ATL1: variants seen among roughly 807,000 people sequenced by gnomAD.
ATL1 encodes atlastin-1.
A neutral mutation model predicts 75.5 loss-of-function variants in ATL1; 31 were observed. The observed-to-expected ratio is 0.41, with a 90% CI of 0.31 to 0.55. ATL1 has a LOEUF of 0.55. ATL1 is among the 20% of genes least tolerant of loss of function. ATL1 has a pLI of 0.27. For missense variants in ATL1, 405 were observed against 662.6 expected (o/e 0.61, Z 4.27); for synonymous variants, 226 against 233.3 (o/e 0.97, Z 0.28).
chr14:50,550,506 G>A (rs1470886774), intron 1 of ATL1, among the ~76,000 whole-genome samples: 3 of 152,124 alleles, frequency 2.0e-5, no homozygotes, highest in African/African-American at 7.2e-5. Context: ...GGTATGCCTT[G>A]GGATATTCTG....
intron 1 of ATL1, among the ~76,000 whole-genome samples, chr14:50,546,367 T>G (rs956358574): frequency 1.1e-4 from 16 of 151,392 alleles, no homozygotes; most frequent in African/African-American, 3.9e-4. Flanking sequence ...AGGTACTGGG[T>G]GTGTGTGTGT....
chr14:50,631,279 C>T lies in ATL1; in HGVS notation c.1567-950C>T, dbSNP rs577188877. 5.1e-3 allele frequency among the ~76,000 whole-genome samples: 753 copies of T among 148,936 alleles called. 3 individuals carry two copies. Among genetic ancestry groups the T allele is most frequent in the Middle Eastern group, 0.024 (7 of 290 alleles). ...CAACTCAAAAAGTAAAAAACAAAAA[C>T]AAAAACAAAAAAAAACCAGATCCAA... On this transcript the variant is annotated intron_variant, in intron 13 of 13. Transcript: ENST00000358385.
chr14:50,567,500 T>C (rs1187258456), intron 1 of ATL1, among the ~76,000 whole-genome samples: 1 of 152,186 alleles, frequency 6.6e-6, no homozygotes, highest in East Asian at 1.9e-4. Flanking sequence ...TTGCTGGATC[T>C]TATGGTAATT....
At chr14:50,623,781 T>TG (rs2039490815) in intron 11 of ATL1, among the ~76,000 whole-genome samples, 1 of 152,206 alleles carries the variant, frequency 6.6e-6, no homozygotes, top group Non-Finnish European at 1.5e-5. Flanking sequence ...CTGGGTGCGG[T>TG]GGCTCATGCC....
rs2039593698 is a variant in ATL1 at position 50,632,609 on chromosome 14, C to T, written c.*270C>T. On this transcript the variant is annotated 3_prime_UTR_variant, in exon 14 of 14. Coordinates refer to ENST00000358385, the MANE Select transcript of ATL1 (RefSeq NM_015915.5). ...TATTTGTCTATTTATGATAACAGTACACGTGTTCTGCTTGAATTTACTAAA... is the reference window on the plus strand; with the variant it reads ...TATTTGTCTATTTATGATAACAGTATACGTGTTCTGCTTGAATTTACTAAA... 1 of 265,278 alleles carries T rather than the reference C, an allele frequency of 3.8e-6. No individual in the cohort carries two copies. The highest frequency in any genetic ancestry group is 7.4e-6 in the Non-Finnish European group (1 of 135,170). 16.4% of individuals were successfully genotyped at this position (265,278 alleles called of 1,614,324 possible).
At chr14:50,592,455 T>C (rs1002991036) in intron 4 of ATL1, among the ~76,000 whole-genome samples, 1 of 151,798 alleles carries the variant, frequency 6.6e-6, no homozygotes, top group Admixed American at 6.6e-5. Flanking sequence ...AAGGGCGTCA[T>C]ATATGATTAG....
In ATL1 at chr14:50,536,635, T is replaced by C. The variant is rs186170550; in HGVS notation, c.-140+3268T>C. Among the ~76,000 whole-genome samples the C allele has an allele frequency of 3.7e-4, 56 of 152,198 alleles. No individual in the cohort carries two copies. The East Asian group carries it at 7.5e-3, about 20-fold the overall frequency. On this transcript the variant is annotated intron_variant, in intron 1 of 13. Coordinates refer to the ATL1 transcript ENST00000441560. ...TGAATGGCTTTGACAAAAATGCTAA[T>C]AGTGATATAACAATAAAGTCCAGGC...
In ATL1 at chr14:50,628,017, T is replaced by C; in HGVS notation, c.1120-14T>C. On this transcript the variant is annotated splice_polypyrimidine_tract_variant and intron_variant, in intron 11 of 13. Transcript: ENST00000358385. Reference sequence around the variant, plus strand: ...TCTGCATTGCATAAACAAATACTTCTCTATCTGATACAGATTTGTGGTGGT... The same window carrying C: ...TCTGCATTGCATAAACAAATACTTCCCTATCTGATACAGATTTGTGGTGGT... The C allele has an allele frequency of 6.2e-7, 1 of 1,614,058 alleles. No homozygotes were observed.
intron 1 of ATL1, among the ~76,000 whole-genome samples, chr14:50,538,448 G>T (rs2038520699): frequency 6.6e-6 from 1 of 152,300 alleles, no homozygotes; most frequent in Non-Finnish European, 1.5e-5. Flanking sequence ...TGTGAAAATT[G>T]GTAGAAGGAT....
intron 12 of ATL1, among the ~76,000 whole-genome samples, chr14:50,629,415 C>T (rs1207146958): frequency 6.6e-6 from 1 of 151,976 alleles, no homozygotes; most frequent in Admixed American, 6.6e-5. Context: ...AACCCCGTCT[C>T]TACTAAAAAT....
At chr14:50,533,180 T>G (rs1239896679) in exon 1 of ATL1, 1 of 152,300 alleles carries the variant, frequency 6.6e-6, no homozygotes, top group Non-Finnish European at 1.5e-5. Context: ...TCAATGACCT[T>G]TGTCCCTGTT....
rs1267291538 is a variant in ATL1, at chr14:50,620,735, C to G, written c.990+9C>G. 2.1e-5 allele frequency: 34 copies of G among 1,612,728 alleles called. No individual in the cohort carries two copies. Among genetic ancestry groups the G allele is most frequent in the Non-Finnish European group, 2.9e-5 (34 of 1,179,114 alleles). On this transcript the variant is annotated intron_variant, in intron 9 of 13. Transcript: ENST00000358385. ...TGGTGGAGTACTTCAAGGTATCACT[C>G]TCATTTCTAGAGCATTCGTGGGATA...
At chr14:50,563,268 A>G (rs900610762) in intron 1 of ATL1, among the ~76,000 whole-genome samples, 1 of 152,240 alleles carries the variant, frequency 6.6e-6, no homozygotes, top group African/African-American at 2.4e-5. Context: ...GTATTTGGTA[A>G]GTAAAAGGAC....
chr14:50,631,652 G>A (rs1184341360), intron 13 of ATL1, among the ~76,000 whole-genome samples: 1 of 152,126 alleles, frequency 6.6e-6, no homozygotes, highest in Non-Finnish European at 1.5e-5. Flanking sequence ...AGCTTGCTGA[G>A]GTAATGTTTT....
At chr14:50,625,187 C>T (rs986719290) in intron 11 of ATL1, among the ~76,000 whole-genome samples, 5 of 152,128 alleles carry the variant, frequency 3.3e-5, no homozygotes, top group Admixed American at 6.5e-5. Flanking sequence ...ATCAAAACAG[C>T]CACAACATGC....
intron 1 of ATL1, among the ~76,000 whole-genome samples, chr14:50,551,369 T>C (rs1460794154): frequency 6.6e-6 from 1 of 151,860 alleles, no homozygotes; most frequent in Non-Finnish European, 1.5e-5. Flanking sequence ...AGCAGTGAGA[T>C]TGAATCGATG....
At chr14:50,623,720 T>G (rs1014581681) in intron 11 of ATL1, among the ~76,000 whole-genome samples, 19 of 152,184 alleles carry the variant, frequency 1.2e-4, no homozygotes, top group African/African-American at 2.9e-4. Flanking sequence ...ATTGTGTATA[T>G]GTACTACTGT....
Position 50,592,828 on chromosome 14 carries a change from G to A in ATL1, c.523-1018G>A, listed in dbSNP as rs192427990. Among the ~76,000 whole-genome samples the A allele has an allele frequency of 3.1e-3, 469 of 149,840 alleles. 2 individuals carry two copies. Among genetic ancestry groups the A allele is most frequent in the African/African-American group, 0.011 (443 of 40,712 alleles). Reference sequence around the variant, plus strand: ...CGGGAGGCTGAGGCAGGAGAATGGCGTGAACCCAGGAGGCAGAGCACTTGC... The same window carrying A: ...CGGGAGGCTGAGGCAGGAGAATGGCATGAACCCAGGAGGCAGAGCACTTGC... On this transcript the variant is annotated intron_variant, in intron 4 of 13. Transcript: ENST00000358385.
chr14:50,587,852 A>G lies in ATL1; in HGVS notation c.56A>G (p.Tyr19Cys). 6.2e-7 allele frequency: 1 copy of G among 1,614,230 alleles called. No homozygotes were observed. The highest frequency in any genetic ancestry group is 8.5e-7 in the Non-Finnish European group (1 of 1,180,034). Residue 19 changes from tyrosine to cysteine, a missense_variant, in exon 2 of 14, where the codon TAT becomes TGT. By Grantham distance (194) the Tyr-to-Cys change is radical. This residue lies in a region of ATL1 where 126 missense variants were observed against 172.0 expected (regional missense o/e 0.73). Coordinates refer to ENST00000358385, the MANE Select transcript of ATL1 (RefSeq NM_015915.5). Reference protein sequence around the residue: ...NSWGGFSEKTYEWSSEEEEPV... With the variant: ...NSWGGFSEKTCEWSSEEEEPV... ...ACAGGTGGATTTTCGGAAAAGACAT[A>G]TGAATGGAGCTCAGAAGAGGAGGAG...
Sources: allele counts gnomAD v4.1 joint callset (sites outside exome capture counted in the v4.1 genomes callset), GRCh38; gene constraint gnomAD v4.1.1; regional missense constraint gnomAD v4.1.1; transcripts MANE v1.5; gene names NCBI Gene and HGNC (gene_info 2026-07-23, HGNC 2026-07-21).